The following SUN3 variants were observed in gnomAD, a reference collection of about 807,000 sequenced individuals.
The protein encoded by SUN3 is SUN domain-containing protein 3.
In SUN3, 36 loss-of-function variants were observed where a neutral mutation model predicts 48.2. The ratio of observed to expected loss-of-function variants is 0.75; its 90% CI spans 0.57 to 0.99. SUN3 has a LOEUF of 0.99. SUN3 is among the 50% of genes least tolerant of loss of function. The probability of loss-of-function intolerance (pLI) is 0.00; values close to 1 mark genes in which losing one functional copy is unlikely to be tolerated. For synonymous variants in SUN3, 148 were observed against 147.9 expected (o/e 1.00, Z 0.00); for missense variants, 419 against 433.1 (o/e 0.97, Z 0.29).
At chr7:47,997,975 C>G (rs1562600634) in intron 6 of SUN3, among the ~76,000 whole-genome samples, 1 of 152,140 alleles carries the variant, frequency 6.6e-6, no homozygotes, top group Non-Finnish European at 1.5e-5. Context: ...ATCCGTTAGT[C>G]TTTGTTGATG....
intron 3 of SUN3, among the ~76,000 whole-genome samples, chr7:48,010,791 C>T (rs1789661936): frequency 6.6e-6 from 1 of 152,122 alleles, no homozygotes; most frequent in South Asian, 2.1e-4. Context: ...TGACCACAAA[C>T]GGGGTGGTTT....
chr7:48,008,905 G>T, intron 4 of SUN3, 130 bp downstream of exon 4: 2 of 740,926 alleles, frequency 2.7e-6, no homozygotes, highest in Admixed American at 2.5e-5. Flanking sequence ...ATTAATAATA[G>T]TTATTTCTGG....
At chr7:48,032,466 A>C (rs184207429), upstream of SUN3, among the ~76,000 whole-genome samples, 13 of 152,370 alleles carry the variant, frequency 8.5e-5, 1 homozygote, top group South Asian at 2.5e-3. Flanking sequence ...TCAACCAAAG[A>C]AAAAGGCCAT....
chr7:48,027,559 A>G (rs1196070238), intron 1 of SUN3, among the ~76,000 whole-genome samples: 1 of 152,248 alleles, frequency 6.6e-6, no homozygotes, highest in Non-Finnish European at 1.5e-5. Flanking sequence ...TTCCGGATAA[A>G]GTATTACAAG....
chr7:48,025,927 G>A lies in SUN3; in HGVS notation c.134C>T (p.Ser45Leu). ...CATTGTACTTAGAATAATCTTCCAT[G>A]ATCGAGTTACCCTAAAAGAATAAAA... ...ENPDANGVTR[S>L]WKIILSTMLT... The change falls in exon 2 of 10, where the codon TCA (serine) becomes TTA (leucine). Residue 45 changes from serine (S) to leucine (L), a missense_variant. Coordinates refer to ENST00000297325, the MANE Select transcript of SUN3 (RefSeq NM_001030019.2). 6.3e-7 allele frequency: 1 copy of A among 1,598,530 alleles called. No homozygotes were observed. Among genetic ancestry groups the A allele is most frequent in the South Asian group, 1.1e-5 (1 of 89,542 alleles).
At chr7:47,991,010 C>G (rs532774048) in intron 8 of SUN3, 1 of 455,530 alleles carries the variant, frequency 2.2e-6, no homozygotes, top group East Asian at 7.0e-5. Flanking sequence ...TACTACTTAC[C>G]GCCTGTATAA....
intron 1 of SUN3, among the ~76,000 whole-genome samples, chr7:48,027,533 C>T (rs932385315): frequency 3.3e-5 from 5 of 152,112 alleles, no homozygotes; most frequent in Admixed American, 2.6e-4. Context: ...ATTAATCTAA[C>T]GTGAAGGCTA....
chr7:47,989,634 T>C (rs888340782), intron 8 of SUN3, among the ~76,000 whole-genome samples: 1 of 152,084 alleles, frequency 6.6e-6, no homozygotes, highest in Non-Finnish European at 1.5e-5. Context: ...ATTAAAAGAG[T>C]TGGATACATC....
chr7:47,991,884 C>G (rs1789074552), intron 8 of SUN3, among the ~76,000 whole-genome samples: 1 of 152,188 alleles, frequency 6.6e-6, no homozygotes, highest in Non-Finnish European at 1.5e-5. Context: ...CTCCACGCCC[C>G]TCCAGCCCCG....
intron 6 of SUN3, 83 bp downstream of exon 6, chr7:48,005,886 C>T (rs1789511281): frequency 4.1e-6 from 3 of 737,274 alleles, no homozygotes; most frequent in Non-Finnish European, 6.4e-6. Flanking sequence ...ATGTTTTCCT[C>T]ATAAACAAAT....
At chr7:47,994,972 G>A (rs983451250) in intron 7 of SUN3, among the ~76,000 whole-genome samples, 1 of 152,094 alleles carries the variant, frequency 6.6e-6, no homozygotes, top group Non-Finnish European at 1.5e-5. Flanking sequence ...TAGTGATGGT[G>A]ATAATTGAAG....
chr7:48,032,718 G>C (rs1489518188), upstream of SUN3, among the ~76,000 whole-genome samples: 1 of 152,244 alleles, frequency 6.6e-6, no homozygotes, highest in African/African-American at 2.4e-5. Context: ...GTATGTTCTA[G>C]AGGGAAAGAC....
At chr7:48,026,542 C>A (rs149396177) in intron 1 of SUN3, among the ~76,000 whole-genome samples, 1 of 151,532 alleles carries the variant, frequency 6.6e-6, no homozygotes, top group East Asian at 1.9e-4. Context: ...GGAAATTGAG[C>A]ATACTCAGTT....
chr7:48,001,541 T>G lies in SUN3; in HGVS notation c.577+4428A>C, dbSNP rs1291239350. ...TTTTCTGTTTTTTTTGTTTTTTTTT[T>G]TTTTTTTTTTGAGACAGAGTCTCGC... is the stretch of plus-strand genomic sequence containing the variant. On this transcript the variant is annotated intron_variant, in intron 6 of 9. Transcript: ENST00000297325. Among the ~76,000 whole-genome samples the G allele has an allele frequency of 3.2e-3, 456 of 141,462 alleles. 12 individuals carry two copies. Among genetic ancestry groups the G allele is most frequent in the African/African-American group, 0.011 (416 of 38,614 alleles). 92.8% of individuals were successfully genotyped at this position (141,462 alleles called of 152,430 possible).
intron 8 of SUN3, among the ~76,000 whole-genome samples, chr7:47,990,160 A>G (rs1789013412): frequency 6.6e-6 from 1 of 152,006 alleles, no homozygotes; most frequent in South Asian, 2.1e-4. Flanking sequence ...AGAGGAAGGC[A>G]TCTGTCTCCT....
intron 2 of SUN3, among the ~76,000 whole-genome samples, chr7:48,019,649 G>T (rs931758598): frequency 1.3e-5 from 2 of 152,000 alleles, no homozygotes; most frequent in African/African-American, 4.8e-5. Context: ...TAGCTACTAT[G>T]AACAACTGTA....
chr7:48,015,750 G>A (rs1345180516), intron 3 of SUN3, among the ~76,000 whole-genome samples: 1 of 152,094 alleles, frequency 6.6e-6, no homozygotes, highest in African/African-American at 2.4e-5. Flanking sequence ...GAAAACTAAG[G>A]GAAGTATGAC....
rs1788970545 is a variant in SUN3 at position 47,988,819 on chromosome 7, GT to G, written c.922del (p.Thr308GlnfsTer21). The G allele has an allele frequency of 6.2e-7, 1 of 1,606,292 alleles. No individual in the cohort carries two copies. Among genetic ancestry groups the G allele is most frequent in the Non-Finnish European group, 8.5e-7 (1 of 1,175,586 alleles). On this transcript the variant is annotated frameshift_variant, in exon 9 of 10. Coordinates refer to ENST00000297325, the MANE Select transcript of SUN3 (RefSeq NM_001030019.2). LOFTEE classifies it high-confidence loss of function. The part of the protein sequence containing the change: ...IFLGQFIYNK[T>X]GTTVQTFELQ... ...TTCAAATGTTTGAACGGTGGTTCCT[GT>G]TTTGTTATATATAAACTGACCTAGG...
intron 7 of SUN3, among the ~76,000 whole-genome samples, chr7:47,994,867 G>A (rs1415200479): frequency 6.6e-6 from 1 of 152,078 alleles, no homozygotes; most frequent in East Asian, 1.9e-4. Flanking sequence ...TGGTGGTAGT[G>A]GTGATGGTGA....
Sources: gnomAD v4.1 joint callset for allele counts (sites outside exome capture counted in the v4.1 genomes callset) on GRCh38, gnomAD v4.1.1 for gene constraint, MANE v1.5 for transcripts, NCBI Gene and HGNC (gene_info 2026-07-23, HGNC 2026-07-21) for gene names.